Variants in MIB1 observed in about 807,000 individuals in gnomAD.
The protein encoded by MIB1 is MIB E3 ubiquitin protein ligase 1.
In MIB1, 278 loss-of-function variants were observed where a neutral mutation model predicts 124.5. That is an observed-to-expected ratio of 2.23 (90% confidence interval 2.02 to 2.47). MIB1 has a LOEUF of 2.47. Ranked by LOEUF, MIB1 falls within the 30% of genes most tolerant of loss-of-function variation. MIB1 has a pLI of 0.00. For synonymous variants in MIB1, 446 were observed against 429.4 expected, an observed-to-expected ratio of 1.04 and a Z score of -0.48; for missense variants, 957 against 1,254.4, an observed-to-expected ratio of 0.76 and a Z score of 3.58.
At chr18:21,802,909 C>T (rs924610480) in intron 9 of MIB1, among the ~76,000 whole-genome samples, 1 of 152,146 alleles carries the variant, frequency 6.6e-6, no homozygotes, top group African/African-American at 2.4e-5. Context: ...GGATGAGATG[C>T]AGGCAGCTAG....
chr18:21,742,227 C>A (rs1218637393), intron 1 of MIB1, among the ~76,000 whole-genome samples: 1 of 151,298 alleles, frequency 6.6e-6, no homozygotes. Context: ...GCTCAGCTGA[C>A]CGTTTATAAT....
chr18:21,827,597 G>A (rs1048538235), intron 12 of MIB1: 3 of 152,014 alleles, frequency 2.0e-5, no homozygotes, highest in Non-Finnish European at 4.4e-5. Context: ...AATAGAACAT[G>A]AATCATTGCC....
rs1568195981 is a variant in MIB1, at chr18:21,774,961, T to TTTATTTA, written c.636+1235_636+1236insATTTATT. ...TATTTATTTATTTATTTATTTATTT[T>TTTATTTA]TTGAGACACAGTCTCGCTGTGTCGC... On this transcript the variant is annotated intron_variant, in intron 4 of 20. Coordinates refer to ENST00000261537, the MANE Select transcript of MIB1 (RefSeq NM_020774.4). Among the ~76,000 whole-genome samples the TTTATTTA allele has an allele frequency of 2.2e-3, 188 of 86,390 alleles. 1 individual carries two copies. The highest frequency in any genetic ancestry group is 0.011 in the African/African-American group (175 of 16,042). The allele number at this position is 86,390 out of a possible 152,430, so 56.7% of individuals were successfully genotyped here. A position where few individuals can be genotyped will look rare whatever the true frequency, so the allele number is the denominator to read the frequency against.
intron 12 of MIB1, among the ~76,000 whole-genome samples, chr18:21,836,574 G>C (rs1799033867): frequency 6.6e-6 from 1 of 152,038 alleles, no homozygotes; most frequent in Non-Finnish European, 1.5e-5. Flanking sequence ...GTGATTTCAT[G>C]TTATGGAAAA....
chr18:21,817,188 G>T (rs866456398), intron 11 of MIB1, among the ~76,000 whole-genome samples: 1 of 142,072 alleles, frequency 7.0e-6, no homozygotes, highest in African/African-American at 2.7e-5. Flanking sequence ...TTGAGGCAGG[G>T]TCTTGCTCTG....
intron 11 of MIB1, among the ~76,000 whole-genome samples, chr18:21,816,977 GT>G (rs984976924): frequency 6.6e-6 from 1 of 151,944 alleles, no homozygotes; most frequent in Non-Finnish European, 1.5e-5. Context: ...TCTGTTGAGA[GT>G]GGTGGGTAGA....
rs2042307446 is a variant in MIB1, at chr18:21,864,704, A to G, written c.*38A>G. The G allele has an allele frequency of 1.3e-6, 2 of 1,542,996 alleles. No homozygotes were observed. Among genetic ancestry groups the G allele is most frequent in the Non-Finnish European group, 1.8e-6 (2 of 1,122,882 alleles). ...GTGTATTTTGTTAGCTAATGTATCT[A>G]GTCATGAGATCTTAATAGGCTTTTG... On this transcript the variant is annotated 3_prime_UTR_variant, in exon 21 of 21. Coordinates refer to ENST00000261537, the MANE Select transcript of MIB1 (RefSeq NM_020774.4).
intron 20 of MIB1, among the ~76,000 whole-genome samples, chr18:21,859,408 G>C (rs372843277): frequency 1.6e-5 from 2 of 121,230 alleles, no homozygotes; most frequent in South Asian, 5.4e-4. Flanking sequence ...AAAAAAAAAA[G>C]TCAAGGATAG....
rs550049687 is a variant in MIB1 at position 21,747,800 on chromosome 18, T to G, written c.229+5988T>G. Among the ~76,000 whole-genome samples, 10 of 152,318 alleles carry G rather than the reference T, an allele frequency of 6.6e-5. No individual in the cohort carries two copies. The South Asian group carries it at 2.1e-3, about 32-fold the overall frequency. On this transcript the variant is annotated intron_variant, in intron 1 of 20. Transcript: ENST00000261537. The stretch of plus-strand genomic sequence containing the variant: ...CCAGGTAGCCACCCACCAGGGTCTC[T>G]CCTCCACCCTCTATAATTGCTAGCT...
At chr18:21,800,404 T>G (rs977429562) in intron 9 of MIB1, among the ~76,000 whole-genome samples, 1 of 152,130 alleles carries the variant, frequency 6.6e-6, no homozygotes, top group Non-Finnish European at 1.5e-5. Flanking sequence ...ATATTTAATG[T>G]AACTCCTCTC....
At chr18:21,803,395 C>G (rs1312634221) in intron 9 of MIB1, among the ~76,000 whole-genome samples, 1 of 152,142 alleles carries the variant, frequency 6.6e-6, no homozygotes, top group Non-Finnish European at 1.5e-5. Flanking sequence ...GAAATTACTG[C>G]TTTATAATAG....
chr18:21,721,269 C>T (rs1161564539), intron 1 of MIB1, among the ~76,000 whole-genome samples: 1 of 143,134 alleles, frequency 7.0e-6, no homozygotes, highest in African/African-American at 2.6e-5. Flanking sequence ...CAATATCCGC[C>T]TCCCAGATTC....
chr18:21,759,307 A>G (rs2146398047), intron 1 of MIB1, among the ~76,000 whole-genome samples: 1 of 151,794 alleles, frequency 6.6e-6, no homozygotes, highest in South Asian at 2.1e-4. Context: ...CAGTGGCGTG[A>G]TCTCGGCTCA....
At chr18:21,808,414 G>A (rs552911209) in intron 10 of MIB1, among the ~76,000 whole-genome samples, 3 of 152,178 alleles carry the variant, frequency 2.0e-5, no homozygotes, top group South Asian at 2.1e-4. Context: ...GTGTAGTTTC[G>A]ATAAGAGACT....
Position 21,798,080 on chromosome 18 carries a change from C to G in MIB1, c.1093-4C>G, listed in dbSNP as rs1239122335. 1.9e-6 allele frequency: 3 copies of G among 1,610,020 alleles called. No individual in the cohort carries two copies. In the Admixed American group the frequency reaches 5.0e-5, roughly 27 times the overall value. On this transcript the variant is annotated splice_polypyrimidine_tract_variant and splice_region_variant and intron_variant, in intron 7 of 20. Transcript: ENST00000261537. ...GGAAACATGAATCTATTTTTTTCCCCAAGACTTTAGGTAAAGTTGGCCGAG... is the reference window on the plus strand; with the variant it reads ...GGAAACATGAATCTATTTTTTTCCCGAAGACTTTAGGTAAAGTTGGCCGAG...
intron 1 of MIB1, among the ~76,000 whole-genome samples, chr18:21,720,910 A>G (rs1313729829): frequency 6.6e-6 from 1 of 152,132 alleles, no homozygotes; most frequent in Non-Finnish European, 1.5e-5. Context: ...AGCCATGATC[A>G]TGCCACTGCA....
intron 7 of MIB1, among the ~76,000 whole-genome samples, chr18:21,797,156 G>A (rs1473274009): frequency 3.3e-5 from 5 of 152,080 alleles, no homozygotes; most frequent in Admixed American, 1.3e-4. Flanking sequence ...TGTAGAATAT[G>A]TTATCAAAAA....
At chr18:21,727,244 C>A (rs1213177681) in intron 1 of MIB1, among the ~76,000 whole-genome samples, 1 of 152,062 alleles carries the variant, frequency 6.6e-6, no homozygotes, top group Non-Finnish European at 1.5e-5. Flanking sequence ...TGAGTAGCTG[C>A]GATTAAAGGG....
At chr18:21,820,154 A>G (rs974049208) in intron 12 of MIB1, among the ~76,000 whole-genome samples, 2 of 152,202 alleles carry the variant, frequency 1.3e-5, no homozygotes, top group African/African-American at 4.8e-5. Flanking sequence ...GACATTTGAG[A>G]AAGACTCCTT....
Sources: allele counts gnomAD v4.1 joint callset (sites outside exome capture counted in the v4.1 genomes callset), GRCh38; gene constraint gnomAD v4.1.1; transcripts MANE v1.5; gene names NCBI Gene and HGNC (gene_info 2026-07-23, HGNC 2026-07-21).